ADTRP: variants seen among roughly 807,000 people sequenced by gnomAD.
The protein encoded by ADTRP is androgen dependent TFPI regulating protein.
A neutral mutation model predicts 27.0 loss-of-function variants in ADTRP; 20 were observed. The ratio of observed to expected loss-of-function variants is 0.74; its 90% CI spans 0.52 to 1.08. The LOEUF is 1.08. ADTRP is among the 50% of genes least tolerant of loss of function. The pLI is 0.00. For missense variants in ADTRP, 251 were observed against 275.0 expected (o/e 0.91, Z 0.62); for synonymous variants, 101 against 105.2 (o/e 0.96, Z 0.25).
intron 4 of ADTRP, among the ~76,000 whole-genome samples, chr6:11,727,600 C>T (rs866241617): frequency 2.6e-5 from 4 of 152,090 alleles, no homozygotes; most frequent in Non-Finnish European, 4.4e-5. Flanking sequence ...ATAAGGACAT[C>T]CCCCCAGAGG....
rs1441922046 is a variant in ADTRP, at chr6:11,713,666, G to C, written c.*812C>G. ...ACTTCCCATCCAGATTCTTCTGCAA[G>C]CAAAATTTATTACTATACCATTTAT... On this transcript the variant is annotated 3_prime_UTR_variant, in exon 6 of 6. Coordinates refer to ENST00000414691, the MANE Select transcript of ADTRP (RefSeq NM_032744.4). 1.3e-5 allele frequency: 2 copies of C among 152,126 alleles called. No homozygotes were observed. The highest frequency in any genetic ancestry group is 6.6e-5 in the Admixed American group (1 of 15,266). The allele number at this position is 152,126 out of a possible 1,614,324, so 9.4% of individuals were successfully genotyped here. A position where few individuals can be genotyped will look rare whatever the true frequency, so the allele number is the denominator to read the frequency against.
At chr6:11,747,982 C>T (rs551745105) in intron 3 of ADTRP, among the ~76,000 whole-genome samples, 21 of 152,284 alleles carry the variant, frequency 1.4e-4, no homozygotes, top group South Asian at 1.2e-3. Context: ...CATCTGACCA[C>T]GGTGGATGTA....
chr6:11,766,192 G>T (rs544042515), intron 3 of ADTRP, 82 bp downstream of exon 3: 2 of 1,020,818 alleles, frequency 2.0e-6, no homozygotes, highest in Admixed American at 2.4e-5. Context: ...TGAGACATTT[G>T]GAAACATAGA....
intron 3 of ADTRP, among the ~76,000 whole-genome samples, chr6:11,740,075 C>T (rs1338936157): frequency 2.0e-5 from 3 of 152,202 alleles, no homozygotes; most frequent in Non-Finnish European, 4.4e-5. Context: ...AATACACTGA[C>T]TTTGACCCTC....
chr6:11,770,876 G>A (rs1763750225), intron 1 of ADTRP, among the ~76,000 whole-genome samples: 1 of 152,190 alleles, frequency 6.6e-6, no homozygotes, highest in Admixed American at 6.5e-5. Context: ...AGGAAGAGCA[G>A]GCACAGGCTT....
At position 11,766,346 on chromosome 6, in the gene ADTRP, A is replaced by G; in HGVS notation, c.318T>C (p.Phe106=). 6.2e-7 allele frequency: 1 copy of G among 1,612,736 alleles called. No individual in the cohort carries two copies. The highest frequency in any genetic ancestry group is 1.1e-5 in the South Asian group (1 of 90,790). The change falls in exon 3 of 6, where the codon TTT becomes TTC. Residue 106 remains phenylalanine, a synonymous_variant. Coordinates refer to ENST00000414691, the MANE Select transcript of ADTRP (RefSeq NM_032744.4). ...TFVFLAFWIL[F]LYNRDLIYPK... is the part of the protein sequence containing the mutation. ...GGTAAATGAGATCTCGATTGTAGAG[A>G]AAGAGGATCCAGAATGCCAAAAATA...
At chr6:11,716,538 AT>A (rs751135317) in intron 5 of ADTRP, among the ~76,000 whole-genome samples, 1 of 152,130 alleles carries the variant, frequency 6.6e-6, no homozygotes, top group Middle Eastern at 3.4e-3. Flanking sequence ...TCCCAAAGTC[AT>A]TTTATTCTGT....
At chr6:11,740,387 C>A (rs924430904) in intron 3 of ADTRP, among the ~76,000 whole-genome samples, 2 of 134,708 alleles carry the variant, frequency 1.5e-5, no homozygotes, top group African/African-American at 6.2e-5. Flanking sequence ...TCAAATATAT[C>A]ATTTTTTTAA....
intron 3 of ADTRP, among the ~76,000 whole-genome samples, chr6:11,753,992 C>T (rs540902359): frequency 4.6e-5 from 7 of 152,246 alleles, no homozygotes; most frequent in South Asian, 2.1e-4. Context: ...TTGTGTTAAT[C>T]GAGGTGCTCT....
At chr6:11,727,311 T>C (rs1184250905) in intron 4 of ADTRP, among the ~76,000 whole-genome samples, 1 of 152,190 alleles carries the variant, frequency 6.6e-6, no homozygotes, top group Non-Finnish European at 1.5e-5. Flanking sequence ...TGAGCCACCA[T>C]GGCCAGCCTA....
At chr6:11,727,263 G>A (rs1350982000) in intron 4 of ADTRP, among the ~76,000 whole-genome samples, 3 of 151,936 alleles carry the variant, frequency 2.0e-5, no homozygotes, top group South Asian at 2.1e-4. Context: ...CTTGTGATCC[G>A]CCCACCTCAG....
At chr6:11,723,781 A>G (rs1359921631) in intron 4 of ADTRP, among the ~76,000 whole-genome samples, 1 of 152,182 alleles carries the variant, frequency 6.6e-6, no homozygotes, top group Non-Finnish European at 1.5e-5. Context: ...ACATAGGGCC[A>G]GGCACTGTGG....
intron 4 of ADTRP, among the ~76,000 whole-genome samples, chr6:11,732,256 C>T (rs926633900): frequency 1.1e-4 from 16 of 152,204 alleles, no homozygotes; most frequent in Non-Finnish European, 2.2e-4. Flanking sequence ...CGGTGAAATG[C>T]TTCTCCAGCT....
intron 1 of ADTRP, among the ~76,000 whole-genome samples, chr6:11,769,756 C>A (rs9394301): frequency 0.13 from 19,840 of 151,346 alleles, 1,656 homozygotes; most frequent in East Asian, 0.46. Context: ...TTTTGGCCAA[C>A]CTTATTAAGA....
chr6:11,735,400 A>T (rs1295195783), intron 4 of ADTRP, among the ~76,000 whole-genome samples, 168 bp downstream of exon 4: 2 of 152,218 alleles, frequency 1.3e-5, no homozygotes, highest in African/African-American at 4.8e-5. Context: ...GGTTTCCATG[A>T]GCATTAAAAT....
chr6:11,770,824 C>T (rs1426751724), intron 1 of ADTRP, among the ~76,000 whole-genome samples: 1 of 152,178 alleles, frequency 6.6e-6, no homozygotes, highest in Non-Finnish European at 1.5e-5. Context: ...GGTTTCACTT[C>T]CAGCCGCTCA....
At chr6:11,773,714 TG>T (rs1307727096) in intron 1 of ADTRP, among the ~76,000 whole-genome samples, 1 of 152,170 alleles carries the variant, frequency 6.6e-6, no homozygotes, top group Non-Finnish European at 1.5e-5. Flanking sequence ...GAGTATCCAC[TG>T]CACATGAGAA....
intron 3 of ADTRP, among the ~76,000 whole-genome samples, chr6:11,749,259 T>C (rs1364684115): frequency 6.6e-6 from 1 of 152,168 alleles, no homozygotes; most frequent in Non-Finnish European, 1.5e-5. Context: ...TTTCCTGAGA[T>C]GGAGATGCTC....
At chr6:11,715,806 CTTTTTTTTTTTTTTT>C (rs55961408) in intron 5 of ADTRP, among the ~76,000 whole-genome samples, 102 of 77,726 alleles carry the variant, frequency 1.3e-3, no homozygotes, top group East Asian at 8.8e-3. Context: ...CCATGCCCAG[CTTTTTTTTTTTTTTT>C]TTTTTTTTTT....
Sources: gnomAD v4.1 joint callset for allele counts (sites outside exome capture counted in the v4.1 genomes callset) on GRCh38, gnomAD v4.1.1 for gene constraint, MANE v1.5 for transcripts, NCBI Gene and HGNC (gene_info 2026-07-23, HGNC 2026-07-21) for gene names.